Variants in SYN3 observed in about 807,000 individuals in gnomAD.
SYN3 encodes synapsin-3.
In SYN3, 35 loss-of-function variants were observed where a neutral mutation model predicts 65.8. That is an observed-to-expected ratio of 0.53 (90% CI 0.41 to 0.70). The LOEUF (loss-of-function observed/expected upper bound fraction) is 0.70. Ranked by LOEUF, SYN3 falls within the 30% of genes least tolerant of loss-of-function variation. The probability of loss-of-function intolerance (pLI) is 0.00; values close to 1 mark genes in which losing one functional copy is unlikely to be tolerated. For missense variants in SYN3, 680 were observed against 749.0 expected (o/e 0.91, Z 1.08); for synonymous variants, 270 against 292.9 (o/e 0.92, Z 0.80).
chr22:32,638,135 T>C (rs758566488), intron 6 of SYN3, among the ~76,000 whole-genome samples: 1 of 152,194 alleles, frequency 6.6e-6, no homozygotes, highest in Non-Finnish European at 1.5e-5. Context: ...TGTTGCTGCA[T>C]AGGACATGAT....
At chr22:32,908,881 T>A (rs1046012276) in intron 4 of SYN3, among the ~76,000 whole-genome samples, 3 of 152,126 alleles carry the variant, frequency 2.0e-5, no homozygotes, top group Non-Finnish European at 4.4e-5. Flanking sequence ...AATTAAGACA[T>A]CCTAAAAAAC....
At chr22:32,899,036 A>G (rs1160837808) in intron 4 of SYN3, among the ~76,000 whole-genome samples, 3 of 149,976 alleles carry the variant, frequency 2.0e-5, no homozygotes, top group Non-Finnish European at 4.5e-5. Context: ...AGGAAGTCGG[A>G]GGTTGCTGTG....
chr22:32,803,752 G>A (rs1265755376), intron 6 of SYN3, among the ~76,000 whole-genome samples: 7 of 152,188 alleles, frequency 4.6e-5, no homozygotes, highest in Non-Finnish European at 2.9e-5. Flanking sequence ...ACACACGTGC[G>A]GCCAGGAGGC....
At chr22:32,808,773 A>G (rs1569240916) in intron 6 of SYN3, among the ~76,000 whole-genome samples, 1 of 152,218 alleles carries the variant, frequency 6.6e-6, no homozygotes, top group Non-Finnish European at 1.5e-5. Flanking sequence ...AACCTTGCCC[A>G]TATTTTAAGC....
chr22:32,639,879 G>A (rs2059871531), intron 6 of SYN3, among the ~76,000 whole-genome samples: 1 of 152,152 alleles, frequency 6.6e-6, no homozygotes, highest in Non-Finnish European at 1.5e-5. Context: ...AGAATCTGTG[G>A]TTTAGCACTG....
At chr22:33,048,870 T>A (rs921752191) in intron 1 of SYN3, among the ~76,000 whole-genome samples, 1 of 152,190 alleles carries the variant, frequency 6.6e-6, no homozygotes, top group East Asian at 1.9e-4. Context: ...AGCAAATACA[T>A]ACTCCTAAGA....
chr22:32,708,936 T>C (rs1013272914), intron 6 of SYN3, among the ~76,000 whole-genome samples: 7 of 152,280 alleles, frequency 4.6e-5, no homozygotes, highest in East Asian at 1.9e-4. Context: ...TGGAGCTGCT[T>C]TGGGGGCTGT....
chr22:32,899,415 A>G (rs1303398447), intron 4 of SYN3, among the ~76,000 whole-genome samples: 2 of 152,210 alleles, frequency 1.3e-5, no homozygotes, highest in African/African-American at 4.8e-5. Flanking sequence ...TGTAAGCAGG[A>G]GTGGGACTGG....
intron 6 of SYN3, among the ~76,000 whole-genome samples, chr22:32,779,202 G>A (rs1413702380): frequency 1.3e-5 from 2 of 152,220 alleles, no homozygotes; most frequent in East Asian, 3.8e-4. Context: ...GCTCACGCCT[G>A]TAATCTCAGC....
At chr22:32,752,972 C>T (rs1230712302) in intron 6 of SYN3, among the ~76,000 whole-genome samples, 1 of 152,136 alleles carries the variant, frequency 6.6e-6, no homozygotes, top group Non-Finnish European at 1.5e-5. Flanking sequence ...TCCAGCCTCC[C>T]CCAGAACCAC....
At chr22:32,998,102 A>C (rs2052940228) in intron 2 of SYN3, among the ~76,000 whole-genome samples, 1 of 151,878 alleles carries the variant, frequency 6.6e-6, no homozygotes, top group Admixed American at 6.6e-5. Flanking sequence ...TGTCATTGCC[A>C]ATAACGCACC....
Position 32,622,483 on chromosome 22 carries a change from C to T in SYN3, c.712-25747G>A, listed in dbSNP as rs1486905331. 2.0e-5 allele frequency among the ~76,000 whole-genome samples: 3 copies of T among 152,054 alleles called. No individual in the cohort carries two copies. The South Asian group carries it at 6.2e-4, about 32-fold the overall frequency. ...ACCTGGGTCTTGAGGAAACTGGGGG[C>T]TGAATTTGGGGCCATTAGTGAAGCC... On this transcript the variant is annotated intron_variant, in intron 6 of 13. Coordinates refer to ENST00000358763, the MANE Select transcript of SYN3 (RefSeq NM_003490.4).
intron 6 of SYN3, among the ~76,000 whole-genome samples, chr22:32,776,298 T>A (rs2045906589): frequency 6.6e-6 from 1 of 152,148 alleles, no homozygotes; most frequent in African/African-American, 2.4e-5. Context: ...TTCTGTCATT[T>A]TAAGTCACTT....
chr22:32,545,642 C>T (rs1021398800), intron 7 of SYN3, among the ~76,000 whole-genome samples: 1 of 152,094 alleles, frequency 6.6e-6, no homozygotes, highest in Non-Finnish European at 1.5e-5. Flanking sequence ...CTCACTACAA[C>T]CTCTGCCTCC....
intron 1 of SYN3, among the ~76,000 whole-genome samples, chr22:33,051,385 G>A (rs1301253503): frequency 6.6e-6 from 1 of 152,168 alleles, no homozygotes; most frequent in Non-Finnish European, 1.5e-5. Flanking sequence ...AATTACTTAT[G>A]AAATGAAGGT....
chr22:32,869,537 A>G (rs189838391), intron 4 of SYN3, among the ~76,000 whole-genome samples: 26 of 151,890 alleles, frequency 1.7e-4, no homozygotes, highest in African/African-American at 5.8e-4. Context: ...GTTGTCATCA[A>G]CTCCCATTTC....
intron 6 of SYN3, among the ~76,000 whole-genome samples, chr22:32,731,319 G>A (rs1247380126): frequency 6.6e-6 from 1 of 152,172 alleles, no homozygotes; most frequent in Non-Finnish European, 1.5e-5. Context: ...ACACTTGGGG[G>A]TTGGGGGCAT....
intron 6 of SYN3, among the ~76,000 whole-genome samples, chr22:32,600,343 G>A (rs1466299710): frequency 6.6e-6 from 1 of 151,218 alleles, no homozygotes; most frequent in Non-Finnish European, 1.5e-5. Flanking sequence ...AGGAGATGGG[G>A]CTCAGGCGGT....
At chr22:32,920,479 C>T (rs977441139) in intron 4 of SYN3, among the ~76,000 whole-genome samples, 3 of 152,136 alleles carry the variant, frequency 2.0e-5, no homozygotes, top group African/African-American at 7.2e-5. Flanking sequence ...TTAAGCACCT[C>T]GAGCTGGCTG....
Sources: gnomAD v4.1 joint callset for allele counts (sites outside exome capture counted in the v4.1 genomes callset) on GRCh38, gnomAD v4.1.1 for gene constraint, MANE v1.5 for transcripts, NCBI Gene and HGNC (gene_info 2026-07-23, HGNC 2026-07-21) for gene names.